Variants in C8orf90 observed in about 807,000 individuals in gnomAD.
C8orf90 encodes the protein uncharacterized protein C8orf90.
the C8orf90 span, chr8:141,518,081 C>A: frequency 3.9e-6 from 2 of 512,354 alleles, no homozygotes; most frequent in Non-Finnish European, 6.8e-6. Flanking sequence ...CCCAGCTCTG[C>A]CTTTCGAGCT....
At chr8:141,518,683 C>CG in the C8orf90 span, 1 of 540,998 alleles carries the variant, frequency 1.8e-6, no homozygotes, top group East Asian at 3.5e-5. Flanking sequence ...GCCCAGGCCC[C>CG]GCCGCTGCCC....
chr8:141,515,466 T>C, the C8orf90 span, among the ~76,000 whole-genome samples: 2 of 149,874 alleles, frequency 1.3e-5, no homozygotes, highest in African/African-American at 5.0e-5. Context: ...CCTGTCATCC[T>C]ATTGGTGATT....
chr8:141,518,097 G>A, the C8orf90 span: 10 of 509,706 alleles, frequency 2.0e-5, no homozygotes, highest in African/African-American at 1.2e-4. Context: ...GAGCTCATTC[G>A]GCGGCTCCTT....
At chr8:141,516,521 C>T in the C8orf90 span, among the ~76,000 whole-genome samples, 1 of 152,162 alleles carries the variant, frequency 6.6e-6, no homozygotes, top group African/African-American at 2.4e-5. Context: ...CCACACTTCC[C>T]ACGCTCCCAT....
At chr8:141,518,496 G>A in the C8orf90 span, 1 of 624,558 alleles carries the variant, frequency 1.6e-6, no homozygotes, top group South Asian at 1.7e-5. Flanking sequence ...CAGCGCTGCT[G>A]CGGCCCCTGC....
chr8:141,516,443 G>A, the C8orf90 span, among the ~76,000 whole-genome samples: 87,846 of 151,906 alleles, frequency 0.58, 27,100 homozygotes, highest in Non-Finnish European at 0.71. Flanking sequence ...CTCTGCGCTG[G>A]TAAGTCCGAG....
chr8:141,516,340 G>A, the C8orf90 span, among the ~76,000 whole-genome samples: 3 of 152,206 alleles, frequency 2.0e-5, no homozygotes, highest in East Asian at 1.9e-4. Context: ...CTGCCTCCAC[G>A]TTCTCCCCTC....
At chr8:141,515,006 A>G in the C8orf90 span, among the ~76,000 whole-genome samples, 2 of 151,900 alleles carry the variant, frequency 1.3e-5, no homozygotes, top group Non-Finnish European at 2.9e-5. Context: ...TGAAGTCCCC[A>G]GGGAAGGGGT....
At chr8:141,515,443 T>TGCC in the C8orf90 span, among the ~76,000 whole-genome samples, 1 of 149,090 alleles carries the variant, frequency 6.7e-6, no homozygotes, top group Non-Finnish European at 1.5e-5. Context: ...TGCCCTGCCC[T>TGCC]CTCCCTAGCT....
chr8:141,515,677 C>T, the C8orf90 span, among the ~76,000 whole-genome samples: 1 of 152,042 alleles, frequency 6.6e-6, no homozygotes, highest in East Asian at 2.0e-4. Context: ...TGGCCTCCTC[C>T]ACCCCTCCTC....
chr8:141,517,923 C>T, the C8orf90 span, among the ~76,000 whole-genome samples: 2 of 152,326 alleles, frequency 1.3e-5, no homozygotes, highest in Middle Eastern at 3.4e-3. Context: ...GCAGCCTCCT[C>T]GCCATCGGGA....
chr8:141,514,840 G>A, the C8orf90 span: 4 of 684,024 alleles, frequency 5.8e-6, no homozygotes, highest in East Asian at 1.1e-4. Flanking sequence ...GTGGGAGCAG[G>A]AAGCGGCCCT....
At chr8:141,517,921 C>T in the C8orf90 span, among the ~76,000 whole-genome samples, 8 of 152,218 alleles carry the variant, frequency 5.3e-5, no homozygotes, top group Non-Finnish European at 1.0e-4. Context: ...CTGCAGCCTC[C>T]TCGCCATCGG....
chr8:141,514,917 C>T, the C8orf90 span: 2 of 610,986 alleles, frequency 3.3e-6, no homozygotes, highest in African/African-American at 3.7e-5. Flanking sequence ...GGGGCTGGGC[C>T]AGGATGGGGG....
chr8:141,517,866 C>T, the C8orf90 span, among the ~76,000 whole-genome samples: 15 of 152,226 alleles, frequency 9.9e-5, no homozygotes, highest in Non-Finnish European at 1.9e-4. Flanking sequence ...AGAACCTCAA[C>T]ATCCTAAGCT....
At chr8:141,514,676 C>A in the C8orf90 span, 1 of 699,688 alleles carries the variant, frequency 1.4e-6, no homozygotes, top group East Asian at 2.7e-5. Context: ...TAAACAGAAG[C>A]CTGTCTCCCG....
chr8:141,514,680 T>C, the C8orf90 span: 5 of 699,598 alleles, frequency 7.1e-6, no homozygotes, highest in South Asian at 7.4e-5. Context: ...CAGAAGCCTG[T>C]CTCCCGGGCT....
the C8orf90 span, among the ~76,000 whole-genome samples, chr8:141,515,514 T>G: frequency 1.3e-5 from 2 of 150,738 alleles, no homozygotes; most frequent in Admixed American, 1.3e-4. Context: ...GATTTTGTCC[T>G]CTCACCCAGC....
At chr8:141,518,265 C>A in the C8orf90 span, 1 of 629,944 alleles carries the variant, frequency 1.6e-6, no homozygotes, top group South Asian at 1.7e-5. Flanking sequence ...ACGGCGGGGA[C>A]GCGCAGCTCT....
Sources: gnomAD v4.1 joint callset for allele counts (sites outside exome capture counted in the v4.1 genomes callset) on GRCh38, gnomAD v4.1.1 for gene constraint, MANE v1.5 for transcripts, NCBI Gene and HGNC (gene_info 2026-07-23, HGNC 2026-07-21) for gene names.